CACNA1A: variants seen among roughly 807,000 people sequenced by gnomAD.
CACNA1A encodes the protein calcium voltage-gated channel subunit alpha1 A, also known as voltage-dependent P/Q-type calcium channel subunit alpha-1A.
Under a neutral mutation model 262.4 loss-of-function variants are expected in CACNA1A, and 57 were observed. The observed-to-expected ratio is 0.22, with a 90% CI of 0.18 to 0.27. The LOEUF (loss-of-function observed/expected upper bound fraction) is 0.27. Ranked by LOEUF, CACNA1A falls within the 10% of genes least tolerant of loss-of-function variation. The pLI is 1.00. For synonymous variants in CACNA1A, 1,431 were observed against 1,419.3 expected, an observed-to-expected ratio of 1.01 and a Z score of -0.18; for missense variants, 2,526 against 3,562.8, an observed-to-expected ratio of 0.71 and a Z score of 7.41.
intron 12 of CACNA1A, among the ~76,000 whole-genome samples, chr19:13,311,942 C>T (rs1052020846): frequency 1.3e-5 from 2 of 152,212 alleles, no homozygotes; most frequent in Non-Finnish European, 2.9e-5. Flanking sequence ...CTGGGCCAGG[C>T]ATTCTCCACT....
At position 13,276,013 on chromosome 19, in the gene CACNA1A, C is replaced by T. The variant is rs184129502; in HGVS notation, c.3883-57G>A. 524 of 1,110,848 alleles carry T rather than the reference C, an allele frequency of 4.7e-4. 1 individual carries two copies. The highest frequency in any genetic ancestry group is 6.1e-4 in the Non-Finnish European group (449 of 736,244). 68.8% of individuals were successfully genotyped at this position (1,110,848 alleles called of 1,614,324 possible). On this transcript the variant is annotated intron_variant, in intron 23 of 46. Coordinates refer to ENST00000360228, the MANE Select transcript of CACNA1A (RefSeq NM_001127222.2). ...CCCACCTGATCCCCACCCTGGGGTG[C>T]TGCCACCCACTCTCTAGCCTCTCGG... is the stretch of plus-strand genomic sequence containing the variant.
intron 3 of CACNA1A, among the ~76,000 whole-genome samples, chr19:13,373,401 A>G (rs1164147804): frequency 6.6e-6 from 1 of 152,222 alleles, no homozygotes; most frequent in African/African-American, 2.4e-5. Context: ...CTCTTGCCTT[A>G]GGGCTGTCTC....
chr19:13,336,133 A>G (rs1600363350), intron 6 of CACNA1A, among the ~76,000 whole-genome samples: 1 of 152,316 alleles, frequency 6.6e-6, no homozygotes, highest in Non-Finnish European at 1.5e-5. Context: ...CTCCTCACAT[A>G]ACATAATTGA....
At chr19:13,476,587 C>T (rs76219164) in intron 1 of CACNA1A, among the ~76,000 whole-genome samples, 2,517 of 152,184 alleles carry the variant, frequency 0.017, 68 homozygotes, top group African/African-American at 0.057. Flanking sequence ...CTAATGGGTG[C>T]AGGGTTTCCT....
intron 10 of CACNA1A, among the ~76,000 whole-genome samples, chr19:13,320,699 A>C (rs1056732328): frequency 1.3e-5 from 2 of 151,960 alleles, no homozygotes; most frequent in Non-Finnish European, 2.9e-5. Flanking sequence ...GTTGAATTTC[A>C]TACTCACTTT....
At chr19:13,268,893 C>CTTTTTT (rs3050832) in intron 24 of CACNA1A, among the ~76,000 whole-genome samples, 55 of 107,930 alleles carry the variant, frequency 5.1e-4, no homozygotes, top group African/African-American at 1.8e-3. Context: ...ATAGATTCTA[C>CTTTTTT]TTTTTTTTTT....
intron 1 of CACNA1A, among the ~76,000 whole-genome samples, chr19:13,465,596 C>T (rs996098759): frequency 2.8e-4 from 42 of 151,926 alleles, no homozygotes; most frequent in Non-Finnish European, 4.7e-4. Flanking sequence ...TCGATCCTCT[C>T]GCCTCAGTCT....
At chr19:13,255,993 CTTTT>C (rs542786434) in intron 28 of CACNA1A, among the ~76,000 whole-genome samples, 2 of 115,364 alleles carry the variant, frequency 1.7e-5, no homozygotes, top group Non-Finnish European at 3.5e-5. Context: ...TCCCTCCTTC[CTTTT>C]TTTTTTTTTT....
intron 30 of CACNA1A, chr19:13,245,661 CTTTCTT>C (rs2056210627): frequency 1.9e-5 from 1 of 52,866 alleles, no homozygotes; most frequent in Non-Finnish European, 4.7e-5. Context: ...TTTTCTTTTT[CTTTCTT>C]TCTCTTTTTT....
intron 3 of CACNA1A, among the ~76,000 whole-genome samples, chr19:13,436,924 C>A (rs1468208084): frequency 1.3e-5 from 2 of 152,252 alleles, no homozygotes; most frequent in Non-Finnish European, 1.5e-5. Context: ...GGACTGCCCC[C>A]ACAATGCAGC....
intron 4 of CACNA1A, among the ~76,000 whole-genome samples, chr19:13,368,251 G>A (rs1156565181): frequency 1.3e-5 from 2 of 152,142 alleles, no homozygotes; most frequent in African/African-American, 2.4e-5. Context: ...GGGAGGTTGA[G>A]GCTGTACTGA....
chr19:13,359,516 C>T, intron 6 of CACNA1A, 90 bp downstream of exon 6: 1 of 1,028,010 alleles, frequency 9.7e-7, no homozygotes, highest in Non-Finnish European at 1.5e-6. Context: ...CTCAGGGTCC[C>T]TCCATTGCAG....
At chr19:13,410,738 C>T (rs572790707) in intron 3 of CACNA1A, among the ~76,000 whole-genome samples, 11 of 152,186 alleles carry the variant, frequency 7.2e-5, no homozygotes, top group Non-Finnish European at 1.5e-4. Context: ...CTCCATGCCA[C>T]TACATCCAAT....
At chr19:13,247,122 C>A (rs2056258046) in intron 30 of CACNA1A, among the ~76,000 whole-genome samples, 1 of 152,186 alleles carries the variant, frequency 6.6e-6, no homozygotes, top group Non-Finnish European at 1.5e-5. Flanking sequence ...ACCCAAAACA[C>A]AAAACACAGG....
At chr19:13,295,495 CTTT>C (rs199565067) in intron 19 of CACNA1A, among the ~76,000 whole-genome samples, 3 of 141,004 alleles carry the variant, frequency 2.1e-5, no homozygotes, top group Non-Finnish European at 3.1e-5. Flanking sequence ...TTCTTTCTTT[CTTT>C]TTTTTTTTTT....
At chr19:13,369,633 G>A (rs2059283057) in intron 4 of CACNA1A, among the ~76,000 whole-genome samples, 1 of 152,166 alleles carries the variant, frequency 6.6e-6, no homozygotes, top group Non-Finnish European at 1.5e-5. Context: ...GTCATAGGTG[G>A]TCATTAAACA....
Position 13,231,695 on chromosome 19 carries a change from T to G in CACNA1A, c.5400+15A>C, listed in dbSNP as rs373246283. 263 of 1,605,298 alleles carry G rather than the reference T, an allele frequency of 1.6e-4. 4 individuals are homozygous for G. In the African/African-American group the frequency reaches 2.6e-3, roughly 16 times the overall value. On this transcript the variant is annotated intron_variant, in intron 35 of 46. Coordinates refer to ENST00000360228, the MANE Select transcript of CACNA1A (RefSeq NM_001127222.2). ...TAGGGAGCCCAGACGGCCCTCACAGTGTCCACAGACTCACCAGAAACGAGC... is the reference window on the plus strand; with the variant it reads ...TAGGGAGCCCAGACGGCCCTCACAGGGTCCACAGACTCACCAGAAACGAGC...
intron 36 of CACNA1A, among the ~76,000 whole-genome samples, chr19:13,227,891 T>G (rs2055521712): frequency 6.7e-6 from 1 of 148,958 alleles, no homozygotes; most frequent in Non-Finnish European, 1.5e-5. Flanking sequence ...GAGCCATGCT[T>G]TTGTTCATTG....
At chr19:13,478,568 C>T (rs1329592104) in intron 1 of CACNA1A, among the ~76,000 whole-genome samples, 2 of 152,140 alleles carry the variant, frequency 1.3e-5, no homozygotes, top group African/African-American at 4.8e-5. Flanking sequence ...CCTCCTACCT[C>T]GGCTTCCCAA....
Sources: allele counts gnomAD v4.1 joint callset (sites outside exome capture counted in the v4.1 genomes callset), GRCh38; gene constraint gnomAD v4.1.1; transcripts MANE v1.5; gene names NCBI Gene and HGNC (gene_info 2026-07-23, HGNC 2026-07-21).